OR4M1: variants seen among roughly 807,000 people sequenced by gnomAD.
The protein encoded by OR4M1 is olfactory receptor family 4 subfamily M member 1, also known as olfactory receptor 4M1.
A neutral mutation model predicts 9.8 loss-of-function variants in OR4M1; 7 were observed. The ratio of observed to expected loss-of-function variants is 0.71; its 90% CI spans 0.41 to 1.34. The LOEUF (loss-of-function observed/expected upper bound fraction) is 1.34, where lower values mean the gene tolerates loss of function less well. Among genes scored for constraint, OR4M1 ranks in the 40% most tolerant of loss-of-function variants. OR4M1 has a pLI of 0.01. For synonymous variants in OR4M1, 121 were observed against 139.8 expected (o/e 0.87, Z 0.95); for missense variants, 331 against 380.4 (o/e 0.87, Z 1.08).
At chr14:19,779,086 C>T (rs55643566) in intron 1 of OR4M1, among the ~76,000 whole-genome samples, 3 of 152,134 alleles carry the variant, frequency 2.0e-5, no homozygotes, top group Non-Finnish European at 4.4e-5. Flanking sequence ...CTATAAGATA[C>T]TGAAAGCCAT....
Position 19,781,089 on chromosome 14 carries a change from C to T in OR4M1, c.767C>T (p.Ser256Phe). 2 of 1,614,184 alleles carry T rather than the reference C, an allele frequency of 1.2e-6. No individual in the cohort carries two copies. The highest frequency in any genetic ancestry group is 1.7e-6 in the Non-Finnish European group (2 of 1,180,038). Residue 256 changes from serine (S) to phenylalanine (F), a missense_variant, in exon 2 of 2, where the codon TCC (serine) becomes TTC (phenylalanine). By Grantham distance (155) the Ser-to-Phe change is radical. Transcript: ENST00000641200. ...ATTGTGGTGCTAATGTTTGGGCCAT[C>T]CATCTACATTTATGCTCGCCCATTT... Reference protein sequence around the residue: ...ITIVVLMFGPSIYIYARPFDS... With the variant: ...ITIVVLMFGPFIYIYARPFDS...
At chr14:19,778,558 A>G (rs917787167) in intron 1 of OR4M1, among the ~76,000 whole-genome samples, 5 of 152,244 alleles carry the variant, frequency 3.3e-5, no homozygotes. Flanking sequence ...AGCTGAGTAA[A>G]TCATAATATT....
At position 19,775,013 on chromosome 14, in the gene OR4M1, G is replaced by T. The variant is rs369085140; in HGVS notation, c.-30+1420G>T. The stretch of plus-strand genomic sequence containing the variant: ...AGTTTTCATCCATGACAAGATGGGC[G>T]GTCAGAGGTGCCTTCTTACATCCCC... On this transcript the variant is annotated intron_variant, in intron 1 of 1. Transcript: ENST00000641200. Among the ~76,000 whole-genome samples the T allele has an allele frequency of 6.4e-4, 97 of 152,292 alleles. 1 individual carries two copies. The highest frequency in any genetic ancestry group is 9.1e-4 in the Non-Finnish European group (62 of 68,022).
At position 19,782,370 on chromosome 14, in the gene OR4M1, G is replaced by A. The variant is rs1878526987; in HGVS notation, c.*1106G>A. The A allele has an allele frequency of 1.3e-5, 2 of 152,186 alleles. No individual in the cohort carries two copies. Among genetic ancestry groups the A allele is most frequent in the African/African-American group, 2.4e-5 (1 of 41,442 alleles). 9.4% of individuals were successfully genotyped at this position (152,186 alleles called of 1,614,324 possible). A position where few individuals can be genotyped will look rare whatever the true frequency, so the allele number is the denominator to read the frequency against. On this transcript the variant is annotated 3_prime_UTR_variant, in exon 2 of 2. Transcript: ENST00000641200. ...TTATGTTTTTTACTTAAATTTATTA[G>A]TTTTTCATTTCAAAACTAGGAAATA...
chr14:19,775,700 G>C (rs1878290988), intron 1 of OR4M1, among the ~76,000 whole-genome samples: 1 of 141,858 alleles, frequency 7.0e-6, no homozygotes, highest in Non-Finnish European at 1.6e-5. Context: ...TATATTAGTT[G>C]TATATAAAAT....
chr14:19,777,019 T>TAC (rs1878332768), intron 1 of OR4M1, among the ~76,000 whole-genome samples: 1 of 117,790 alleles, frequency 8.5e-6, no homozygotes, highest in Non-Finnish European at 1.8e-5. Flanking sequence ...TATATATATA[T>TAC]ATATATATAT....
At chr14:19,773,652 T>G (rs1878230877) in intron 1 of OR4M1, 59 bp downstream of exon 1, 1 of 152,274 alleles carries the variant, frequency 6.6e-6, no homozygotes, top group South Asian at 2.1e-4. Context: ...GACAGTAGGA[T>G]AGATATAATG....
intron 1 of OR4M1, among the ~76,000 whole-genome samples, chr14:19,775,196 A>G (rs1304852683): frequency 1.3e-5 from 2 of 152,246 alleles, no homozygotes; most frequent in African/African-American, 4.8e-5. Flanking sequence ...TCCTGATAAG[A>G]GACCAACTAT....
intron 1 of OR4M1, among the ~76,000 whole-genome samples, chr14:19,774,440 T>G (rs1452704777): frequency 6.6e-6 from 1 of 152,216 alleles, no homozygotes; most frequent in Non-Finnish European, 1.5e-5. Flanking sequence ...GGAACTACTT[T>G]AGGCAGTAGA....
chr14:19,780,583 G>A lies in OR4M1; in HGVS notation c.261G>A (p.Val87=), dbSNP rs1459686370. ...CTAAAATGCTCATAGACTTCTTTGT[G>A]GAGAGGAAGATAATTTCCTTTGGTG... The part of the protein sequence containing the change: ...TAPKMLIDFF[V]ERKIISFGGC... Residue 87 remains valine (V), a synonymous_variant, in exon 2 of 2, where the codon GTG becomes GTA. Transcript: ENST00000641200. 6.2e-7 allele frequency: 1 copy of A among 1,614,220 alleles called. No homozygotes were observed. The highest frequency in any genetic ancestry group is 1.7e-5 in the Admixed American group (1 of 60,028).
At chr14:19,778,758 T>A (rs1220178648) in intron 1 of OR4M1, among the ~76,000 whole-genome samples, 1 of 152,222 alleles carries the variant, frequency 6.6e-6, no homozygotes, top group Admixed American at 6.5e-5. Flanking sequence ...GTAAGTACAG[T>A]AAGATCATTG....
chr14:19,780,238 A>G (rs1878427955), intron 1 of OR4M1, 56 bp from the exon 2 acceptor site: 6 of 1,381,410 alleles, frequency 4.3e-6, no homozygotes, highest in South Asian at 4.3e-5. Flanking sequence ...GAAAGCAGTG[A>G]TATAACTCTA....
chr14:19,774,991 T>C (rs1878267235), intron 1 of OR4M1, among the ~76,000 whole-genome samples: 1 of 152,178 alleles, frequency 6.6e-6, no homozygotes, highest in African/African-American at 2.4e-5. Context: ...AAAGCTGAGT[T>C]TTCATCCATG....
intron 1 of OR4M1, among the ~76,000 whole-genome samples, chr14:19,775,374 C>T (rs566564751): frequency 1.3e-5 from 2 of 152,184 alleles, no homozygotes; most frequent in South Asian, 4.1e-4. Context: ...GGCTCCTGGC[C>T]AGAGGCTATA....
intron 1 of OR4M1, among the ~76,000 whole-genome samples, chr14:19,779,855 A>C (rs1193675948): frequency 2.0e-5 from 3 of 152,234 alleles, no homozygotes; most frequent in Non-Finnish European, 4.4e-5. Flanking sequence ...TATGTGTGCT[A>C]TTAGAATGCA....
intron 1 of OR4M1, among the ~76,000 whole-genome samples, chr14:19,779,853 C>T (rs1448617352): frequency 1.3e-5 from 2 of 152,206 alleles, no homozygotes; most frequent in Admixed American, 1.3e-4. Context: ...TGTATGTGTG[C>T]TATTAGAATG....
chr14:19,777,041 T>TATATATATATAC (rs1878335398), intron 1 of OR4M1, among the ~76,000 whole-genome samples: 1 of 124,446 alleles, frequency 8.0e-6, no homozygotes, highest in African/African-American at 3.0e-5. Context: ...TATATATATA[T>TATATATATATAC]ATATATATTG....
In OR4M1 at chr14:19,781,324, T is replaced by A. The variant is rs1878493019; in HGVS notation, c.*60T>A. On this transcript the variant is annotated 3_prime_UTR_variant, in exon 2 of 2. Transcript: ENST00000641200. The stretch of plus-strand genomic sequence containing the variant: ...ATCATTGTCCTAAAGCAGGAAGTAT[T>A]TGCAGTAATAATGCTGCATTCACTT... The A allele has an allele frequency of 7.2e-7, 1 of 1,383,754 alleles. No homozygotes were observed. The highest frequency in any genetic ancestry group is 1.5e-5 in the African/African-American group (1 of 68,550). The allele number at this position is 1,383,754 out of a possible 1,614,324, so 85.7% of individuals were successfully genotyped here.
chr14:19,773,634 A>T (rs1771480529), intron 1 of OR4M1, 41 bp downstream of exon 1: 1 of 152,266 alleles, frequency 6.6e-6, no homozygotes, highest in African/African-American at 2.4e-5. Context: ...AAACTATCCT[A>T]TTTTTGAGAC....
Sources: allele counts gnomAD v4.1 joint callset (sites outside exome capture counted in the v4.1 genomes callset), GRCh38; gene constraint gnomAD v4.1.1; transcripts MANE v1.5; gene names NCBI Gene and HGNC (gene_info 2026-07-23, HGNC 2026-07-21).